MYO18B: variants seen among roughly 807,000 people sequenced by gnomAD.
MYO18B encodes unconventional myosin-XVIIIb.
Under a neutral mutation model 273.0 loss-of-function variants are expected in MYO18B, and 204 were observed. The observed-to-expected ratio is 0.75, with a 90% confidence interval of 0.67 to 0.84. The LOEUF (loss-of-function observed/expected upper bound fraction) is 0.84. Ranked by LOEUF, MYO18B falls within the 40% of genes least tolerant of loss-of-function variation. The pLI, the probability that MYO18B is intolerant of heterozygous loss-of-function variation, is 0.00. For synonymous variants in MYO18B, 1,330 were observed against 1,305.7 expected, an observed-to-expected ratio of 1.02 and a Z score of -0.40; for missense variants, 3,212 against 3,287.6, an observed-to-expected ratio of 0.98 and a Z score of 0.56.
intron 42 of MYO18B, among the ~76,000 whole-genome samples, chr22:26,010,971 C>G (rs17636976): frequency 6.6e-6 from 1 of 151,656 alleles, no homozygotes; most frequent in Non-Finnish European, 1.5e-5. Context: ...GAAACCTCTG[C>G]GTAATGTTAG....
chr22:25,955,392 T>C (rs1317014726), intron 39 of MYO18B, 28 bp downstream of exon 39: 26 of 1,588,032 alleles, frequency 1.6e-5, no homozygotes, highest in Non-Finnish European at 2.1e-5. Context: ...CATGGGCTCT[T>C]AGCGACTGAG....
intron 5 of MYO18B, among the ~76,000 whole-genome samples, chr22:25,770,617 G>A (rs1387228663): frequency 6.6e-6 from 1 of 152,140 alleles, no homozygotes; most frequent in Non-Finnish European, 1.5e-5. Flanking sequence ...CCAACTGTCT[G>A]GGTGCCTGCT....
chr22:26,020,420 C>T (rs960738879), intron 42 of MYO18B, among the ~76,000 whole-genome samples: 7 of 152,168 alleles, frequency 4.6e-5, no homozygotes, highest in African/African-American at 1.7e-4. Context: ...CTCCACTTCC[C>T]TTCTCTGTGC....
At chr22:25,792,789 G>A (rs368357434) in intron 11 of MYO18B, among the ~76,000 whole-genome samples, 116 of 152,200 alleles carry the variant, frequency 7.6e-4, no homozygotes, top group African/African-American at 2.2e-3. Context: ...CATTGAATCA[G>A]TGTCCAGCAT....
chr22:25,876,614 G>A (rs773454215), intron 24 of MYO18B, among the ~76,000 whole-genome samples: 1 of 147,942 alleles, frequency 6.8e-6, no homozygotes, highest in African/African-American at 2.5e-5. Context: ...AGCTCAATGG[G>A]CAGAGTCTTT....
At chr22:25,880,474 C>A (rs2091306130) in intron 25 of MYO18B, among the ~76,000 whole-genome samples, 1 of 151,700 alleles carries the variant, frequency 6.6e-6, no homozygotes, top group African/African-American at 2.4e-5. Context: ...TTTTTTGACA[C>A]CTCCTTACAT....
At chr22:25,790,194 CCAGA>C (rs2087600323) in intron 11 of MYO18B, among the ~76,000 whole-genome samples, 1 of 152,200 alleles carries the variant, frequency 6.6e-6, no homozygotes, top group Non-Finnish European at 1.5e-5. Context: ...TTTTTAATGA[CCAGA>C]CATTCATGGA....
intron 23 of MYO18B, among the ~76,000 whole-genome samples, chr22:25,875,533 G>A (rs538507023): frequency 6.6e-6 from 1 of 152,082 alleles, no homozygotes; most frequent in Non-Finnish European, 1.5e-5. Flanking sequence ...GAATGAAGCG[G>A]GTCAATGCTT....
At chr22:25,806,762 G>A (rs1225598739) in intron 12 of MYO18B, among the ~76,000 whole-genome samples, 1 of 152,192 alleles carries the variant, frequency 6.6e-6, no homozygotes, top group African/African-American at 2.4e-5. Context: ...GATGCTCTCT[G>A]GAGCTAAACT....
intron 2 of MYO18B, 93 bp from the exon 3 acceptor site, chr22:25,763,137 GC>G: frequency 6.8e-7 from 1 of 1,462,432 alleles, no homozygotes. Flanking sequence ...TGTCTCCTCC[GC>G]CCCCTCCCAG....
At chr22:25,968,810 A>G (rs1246509856) in intron 39 of MYO18B, among the ~76,000 whole-genome samples, 1 of 152,088 alleles carries the variant, frequency 6.6e-6, no homozygotes, top group Non-Finnish European at 1.5e-5. Context: ...AACGGACCAG[A>G]CGACTTTTAA....
chr22:25,835,325 G>A lies in MYO18B; in HGVS notation c.3090G>A (p.Gln1030=). 5 of 1,613,988 alleles carry A rather than the reference G, an allele frequency of 3.1e-6. No homozygotes were observed. The highest frequency in any genetic ancestry group is 3.4e-6 in the Non-Finnish European group (4 of 1,179,880). Residue 1030 remains glutamine, a synonymous_variant, in exon 17 of 44, where the codon CAG becomes CAA. Coordinates refer to ENST00000335473, the MANE Select transcript of MYO18B (RefSeq NM_032608.7). ...GCTTACCAGCTGGAGGAGGTGCCCA[G>A]GATGCCAGAGGCCTTTTCTGGGTCT... The part of the protein sequence containing the change: ...QVRLPAGGGA[Q]DARGLFWVLD...
chr22:25,976,595 A>G (rs1393548903), intron 39 of MYO18B, among the ~76,000 whole-genome samples: 1 of 152,074 alleles, frequency 6.6e-6, no homozygotes, highest in Admixed American at 6.6e-5. Context: ...TTTGCTGTTT[A>G]TGTTGCATGC....
At chr22:25,998,815 T>C (rs1274608775) in intron 40 of MYO18B, among the ~76,000 whole-genome samples, 1 of 152,150 alleles carries the variant, frequency 6.6e-6, no homozygotes, top group African/African-American at 2.4e-5. Flanking sequence ...CCTATTAATC[T>C]GAGAAGGTTG....
the MYO18B span, among the ~76,000 whole-genome samples, chr22:26,043,440 G>C: frequency 6.6e-6 from 1 of 151,494 alleles, no homozygotes. Flanking sequence ...TGTCTAGATT[G>C]CTGGGTCTTA....
At position 26,030,808 on chromosome 22, in the gene MYO18B, C is replaced by G. The variant is rs139242683; in HGVS notation, c.*378C>G. The G allele has an allele frequency of 0.012, 4,609 of 397,580 alleles. 45 individuals carry two copies. Among genetic ancestry groups the G allele is most frequent in the Non-Finnish European group, 0.015 (3,449 of 225,648 alleles). 24.6% of individuals were successfully genotyped at this position (397,580 alleles called of 1,614,324 possible). On this transcript the variant is annotated 3_prime_UTR_variant, in exon 44 of 44. Transcript: ENST00000335473. ...TCTACATGCCATGACCTTCCTCCTC[C>G]TCTTCACTTGGCCAGTTTCAGCTCA...
intron 1 of MYO18B, among the ~76,000 whole-genome samples, chr22:25,754,296 A>G (rs757471466): frequency 2.0e-5 from 3 of 152,208 alleles, no homozygotes; most frequent in Non-Finnish European, 2.9e-5. Context: ...TGAGGTGAGA[A>G]TGTGCTTGGA....
At chr22:25,874,205 G>A (rs890875332) in intron 22 of MYO18B, 81 bp from the exon 23 acceptor site, 1 of 1,541,232 alleles carries the variant, frequency 6.5e-7, no homozygotes, top group African/African-American at 1.4e-5. Flanking sequence ...CAAGAGAAGT[G>A]GGGTCTGATT....
At chr22:26,015,079 T>G (rs1935205714) in intron 42 of MYO18B, among the ~76,000 whole-genome samples, 2 of 152,228 alleles carry the variant, frequency 1.3e-5, no homozygotes, top group African/African-American at 4.8e-5. Flanking sequence ...CATTTGTCAA[T>G]TTTTGCTTTG....
Sources: allele counts gnomAD v4.1 joint callset (sites outside exome capture counted in the v4.1 genomes callset), GRCh38; gene constraint gnomAD v4.1.1; transcripts MANE v1.5; gene names NCBI Gene and HGNC (gene_info 2026-07-23, HGNC 2026-07-21).